Variants in MAPK10 observed in about 807,000 individuals in gnomAD.
MAPK10 encodes JNK3 alpha protein kinase.
A neutral mutation model predicts 59.3 loss-of-function variants in MAPK10; 25 were observed. The ratio of observed to expected loss-of-function variants is 0.42; its 90% confidence interval spans 0.31 to 0.59. The LOEUF (loss-of-function observed/expected upper bound fraction) is 0.59. MAPK10 is among the 20% of genes least tolerant of loss of function. The probability of loss-of-function intolerance (pLI) is 0.15; values close to 1 mark genes in which losing one functional copy is unlikely to be tolerated. For synonymous variants in MAPK10, 190 were observed against 200.5 expected (o/e 0.95, Z 0.44); for missense variants, 351 against 568.9 (o/e 0.62, Z 3.90).
In MAPK10 at chr4:86,586,538, C is replaced by A. The variant is rs550718139; in HGVS notation, c.-263+7372G>T. Among the ~76,000 whole-genome samples, 7 of 152,326 alleles carry A rather than the reference C, an allele frequency of 4.6e-5. No homozygotes were observed. The South Asian group carries it at 1.4e-3, about 32-fold the overall frequency. Reference sequence around the variant, plus strand: ...CTAACTAATCTGATAAACCAATCCACATTAACGTGTGAAGAGAGAAAGCTA... The same window carrying A: ...CTAACTAATCTGATAAACCAATCCAAATTAACGTGTGAAGAGAGAAAGCTA... On this transcript the variant is annotated intron_variant, in intron 1 of 4. Transcript: ENST00000502302.
intron 4 of MAPK10, among the ~76,000 whole-genome samples, chr4:86,114,188 T>C (rs2057968303): frequency 6.6e-6 from 1 of 152,200 alleles, no homozygotes; most frequent in Non-Finnish European, 1.5e-5. Flanking sequence ...AAGTTCGTTA[T>C]TACCCACCTT....
Position 86,341,175 on chromosome 4 carries a change from T to A in MAPK10, c.-7+13355A>T, listed in dbSNP as rs192998141. ...ACTTAACAATACTAATGGATAACAA[T>A]TGATAAGGTGTGAAACAGGATCACA... On this transcript the variant is annotated intron_variant, in intron 2 of 13. Coordinates refer to ENST00000641462, the MANE Select transcript of MAPK10 (RefSeq NM_138982.4). 2.6e-5 allele frequency among the ~76,000 whole-genome samples: 4 copies of A among 152,152 alleles called. No individual in the cohort carries two copies. The East Asian group carries it at 7.7e-4, about 29-fold the overall frequency.
At chr4:86,314,634 G>A (rs183460787) in intron 2 of MAPK10, among the ~76,000 whole-genome samples, 35 of 152,202 alleles carry the variant, frequency 2.3e-4, no homozygotes, top group Admixed American at 4.6e-4. Context: ...ATACATGTGC[G>A]AAAATTTATC....
At chr4:86,372,661 T>C (rs1267285704) in intron 1 of MAPK10, among the ~76,000 whole-genome samples, 1 of 152,164 alleles carries the variant, frequency 6.6e-6, no homozygotes, top group Non-Finnish European at 1.5e-5. Context: ...CCTGAATGAC[T>C]ACTGGGTAAA....
At chr4:86,173,294 T>G (rs149960115) in intron 3 of MAPK10, among the ~76,000 whole-genome samples, 1 of 151,980 alleles carries the variant, frequency 6.6e-6, no homozygotes, top group African/African-American at 2.4e-5. Flanking sequence ...TTGAACAGAA[T>G]AGAGGGCTCA....
intron 2 of MAPK10, among the ~76,000 whole-genome samples, chr4:86,308,331 A>G (rs2148863542): frequency 6.6e-6 from 1 of 152,288 alleles, no homozygotes; most frequent in South Asian, 2.1e-4. Flanking sequence ...ATTGATTTTT[A>G]TCATTTCATT....
At chr4:86,450,621 G>C (rs2869444) in intron 1 of MAPK10, among the ~76,000 whole-genome samples, 22,977 of 152,122 alleles carry the variant, frequency 0.15, 1,842 homozygotes, top group East Asian at 0.24. Flanking sequence ...TTAGGTCAGA[G>C]ATGCAACCAC....
chr4:86,218,376 T>C (rs867744928), intron 2 of MAPK10, among the ~76,000 whole-genome samples: 1 of 152,032 alleles, frequency 6.6e-6, no homozygotes, highest in Non-Finnish European at 1.5e-5. Flanking sequence ...GAGACAGGGT[T>C]TCACTGTGTT....
intron 11 of MAPK10, among the ~76,000 whole-genome samples, chr4:86,037,780 A>C (rs969385250): frequency 1.2e-4 from 19 of 152,222 alleles, no homozygotes; most frequent in Non-Finnish European, 2.5e-4. Flanking sequence ...ATTTGCCCAC[A>C]ATCACAGAGT....
intron 1 of MAPK10, among the ~76,000 whole-genome samples, chr4:86,566,604 G>A (rs1761076677): frequency 6.6e-6 from 1 of 151,840 alleles, no homozygotes; most frequent in Non-Finnish European, 1.5e-5. Flanking sequence ...ATTCCCAGCT[G>A]CTCGGGAGGC....
chr4:86,565,849 C>G (rs762533353), intron 1 of MAPK10, among the ~76,000 whole-genome samples: 3 of 152,138 alleles, frequency 2.0e-5, no homozygotes, highest in Admixed American at 6.5e-5. Context: ...AATGTATCTT[C>G]AACTACTTCC....
rs555017474 is a variant in MAPK10 at position 86,223,972 on chromosome 4, A to G, written c.-6-29565T>C. 1.4e-3 allele frequency among the ~76,000 whole-genome samples: 219 copies of G among 152,124 alleles called. 1 individual carries two copies. The highest frequency in any genetic ancestry group is 5.1e-3 in the African/African-American group (213 of 41,488). On this transcript the variant is annotated intron_variant, in intron 2 of 13. Transcript: ENST00000641462. ...ATCATCAATCTTGACACCTGAACCA[A>G]ATTTGTGGGAGAGATGTCCATCCTT...
intron 1 of MAPK10, among the ~76,000 whole-genome samples, chr4:86,386,204 A>G (rs749221556): frequency 6.6e-6 from 1 of 152,210 alleles, no homozygotes; most frequent in Non-Finnish European, 1.5e-5. Context: ...GAGAATTGCG[A>G]TACTCCGCTC....
At chr4:86,467,735 G>A (rs1465728684) in intron 1 of MAPK10, among the ~76,000 whole-genome samples, 1 of 152,152 alleles carries the variant, frequency 6.6e-6, no homozygotes, top group Non-Finnish European at 1.5e-5. Flanking sequence ...GGCCAGGATG[G>A]TCTCGATCTC....
At chr4:86,102,077 A>G (rs768416764) in intron 6 of MAPK10, 45 bp from the exon 7 acceptor site, 1 of 1,579,512 alleles carries the variant, frequency 6.3e-7, no homozygotes, top group Non-Finnish European at 8.7e-7. Flanking sequence ...CACAAGATCT[A>G]TGAAGTCCTT....
At chr4:86,317,604 T>A (rs1283281904) in intron 2 of MAPK10, among the ~76,000 whole-genome samples, 2 of 152,188 alleles carry the variant, frequency 1.3e-5, no homozygotes, top group Non-Finnish European at 2.9e-5. Context: ...CCATCTACAT[T>A]CTAACATATT....
intron 2 of MAPK10, among the ~76,000 whole-genome samples, chr4:86,307,485 T>C (rs924966334): frequency 1.3e-5 from 2 of 152,118 alleles, no homozygotes; most frequent in Non-Finnish European, 2.9e-5. Flanking sequence ...CAAAGGGCTA[T>C]AGAAATGCAT....
chr4:86,308,025 T>C (rs911106890), intron 2 of MAPK10, among the ~76,000 whole-genome samples: 1 of 152,102 alleles, frequency 6.6e-6, no homozygotes, highest in African/African-American at 2.4e-5. Context: ...CAGGTGAATA[T>C]AACAATTAAC....
intron 1 of MAPK10, among the ~76,000 whole-genome samples, chr4:86,462,117 A>G (rs1354657214): frequency 6.6e-6 from 1 of 152,218 alleles, no homozygotes; most frequent in Non-Finnish European, 1.5e-5. Context: ...ACTGCAGTAG[A>G]TTGATACTGC....
Sources: gnomAD v4.1 joint callset for allele counts (sites outside exome capture counted in the v4.1 genomes callset) on GRCh38, gnomAD v4.1.1 for gene constraint, MANE v1.5 for transcripts, NCBI Gene and HGNC (gene_info 2026-07-23, HGNC 2026-07-21) for gene names.